SLC44A5: variants seen among roughly 807,000 people sequenced by gnomAD.
The protein encoded by SLC44A5 is solute carrier family 44 member 5.
A neutral mutation model predicts 101.8 loss-of-function variants in SLC44A5; 57 were observed. That is an observed-to-expected ratio of 0.56 (90% CI 0.45 to 0.70). The LOEUF (loss-of-function observed/expected upper bound fraction) is 0.70, where lower values mean the gene tolerates loss of function less well. SLC44A5 is among the 30% of genes least tolerant of loss of function. The probability of loss-of-function intolerance (pLI) is 0.00; values close to 1 mark genes in which losing one functional copy is unlikely to be tolerated. For synonymous variants in SLC44A5, 281 were observed against 290.9 expected (o/e 0.97, Z 0.35); for missense variants, 737 against 853.1 (o/e 0.86, Z 1.70).
intron 12 of SLC44A5, among the ~76,000 whole-genome samples, chr1:75,233,013 T>C (rs1647729419): frequency 6.6e-6 from 1 of 152,182 alleles, no homozygotes. Flanking sequence ...AATCATTCTT[T>C]TAAATAGAAA....
chr1:75,680,188 C>A, the SLC44A5 span, among the ~76,000 whole-genome samples: 1 of 152,050 alleles, frequency 6.6e-6, no homozygotes, highest in Admixed American at 6.6e-5. Context: ...CCACTGTCAA[C>A]ATTAGACAGA....
At position 75,483,390 on chromosome 1, in the gene SLC44A5, T is replaced by C. The variant is rs186523204; in HGVS notation, c.13+58045A>G. On this transcript the variant is annotated intron_variant, in intron 2 of 23. Coordinates refer to ENST00000370859, the MANE Select transcript of SLC44A5 (RefSeq NM_001130058.2). Reference sequence around the variant, plus strand: ...TTCCCTAAAGCCACAAATAGTCTCATAGAACATAGCATAATTTAGGTATTA... The same window carrying C: ...TTCCCTAAAGCCACAAATAGTCTCACAGAACATAGCATAATTTAGGTATTA... Among the ~76,000 whole-genome samples, 11 of 152,300 alleles carry C rather than the reference T, an allele frequency of 7.2e-5. No homozygotes were observed. In the East Asian group the frequency reaches 2.1e-3, roughly 29 times the overall value.
the SLC44A5 span, among the ~76,000 whole-genome samples, chr1:75,624,304 A>C: frequency 6.6e-6 from 1 of 152,220 alleles, no homozygotes; most frequent in Non-Finnish European, 1.5e-5. Context: ...TGTAGAAGAA[A>C]TGATAGAATT....
chr1:75,265,572 G>A (rs1341033124), intron 6 of SLC44A5, among the ~76,000 whole-genome samples: 1 of 152,174 alleles, frequency 6.6e-6, no homozygotes, highest in Admixed American at 6.5e-5. Context: ...GACTTGAAAT[G>A]TTCTTAACAC....
At chr1:75,555,773 C>T (rs2101993228) in intron 1 of SLC44A5, among the ~76,000 whole-genome samples, 1 of 152,182 alleles carries the variant, frequency 6.6e-6, no homozygotes, top group East Asian at 1.9e-4. Context: ...GGACAAAGTG[C>T]TGTGGAAGAC....
intron 4 of SLC44A5, among the ~76,000 whole-genome samples, chr1:75,305,418 G>A (rs553817102): frequency 1.3e-5 from 2 of 152,312 alleles, no homozygotes; most frequent in East Asian, 3.9e-4. Flanking sequence ...TTACTGATAT[G>A]TGATGAGTCA....
chr1:75,541,547 C>T (rs211744), intron 1 of SLC44A5, 31 bp from the exon 2 acceptor site: 310,350 of 1,487,816 alleles, frequency 0.21, 34,210 homozygotes, highest in Admixed American at 0.33. Flanking sequence ...AAGATAGTTA[C>T]CTAAAGCAAA....
chr1:75,615,959 TCG>T, upstream of SLC44A5: 1 of 861,840 alleles, frequency 1.2e-6, no homozygotes, highest in Non-Finnish European at 1.4e-6. Context: ...AGGCGAGCCC[TCG>T]CCGCGGCTCT....
chr1:75,581,297 A>T (rs1185319339), intron 1 of SLC44A5, among the ~76,000 whole-genome samples: 2 of 152,208 alleles, frequency 1.3e-5, no homozygotes, highest in South Asian at 2.1e-4. Flanking sequence ...ACCAAAGCTC[A>T]TTGTCTAAAA....
intron 3 of SLC44A5, among the ~76,000 whole-genome samples, chr1:75,365,885 T>C (rs1659825229): frequency 6.6e-6 from 1 of 152,198 alleles, no homozygotes. Context: ...TGATAGCAAC[T>C]TCAATTACAT....
chr1:75,324,342 C>T (rs1432093425), intron 4 of SLC44A5, among the ~76,000 whole-genome samples: 1 of 152,020 alleles, frequency 6.6e-6, no homozygotes, highest in Non-Finnish European at 1.5e-5. Context: ...ATAACAGGAA[C>T]AAATAAGAAA....
intron 2 of SLC44A5, among the ~76,000 whole-genome samples, chr1:75,490,055 A>T (rs1197584052): frequency 2.0e-5 from 3 of 151,960 alleles, no homozygotes; most frequent in African/African-American, 7.3e-5. Context: ...TTAAAAAAAA[A>T]TAAAGTTAAT....
intron 3 of SLC44A5, among the ~76,000 whole-genome samples, chr1:75,374,607 A>G (rs1192398800): frequency 6.6e-6 from 1 of 152,174 alleles, no homozygotes; most frequent in Non-Finnish European, 1.5e-5. Context: ...GAAACACACA[A>G]GAGGCATGTG....
At chr1:75,403,951 CA>C (rs1247730010) in intron 2 of SLC44A5, among the ~76,000 whole-genome samples, 1 of 151,722 alleles carries the variant, frequency 6.6e-6, no homozygotes, top group African/African-American at 2.4e-5. Flanking sequence ...AAGAACCTTG[CA>C]AAAAAGTTAG....
At chr1:75,226,643 T>C (rs12044451) in intron 13 of SLC44A5, among the ~76,000 whole-genome samples, 52,105 of 151,872 alleles carry the variant, frequency 0.34, 10,199 homozygotes, top group East Asian at 0.81. Flanking sequence ...TATTGCTCCC[T>C]TCTGAGGTTC....
chr1:75,423,528 G>A (rs1467589356), intron 2 of SLC44A5, among the ~76,000 whole-genome samples: 3 of 152,116 alleles, frequency 2.0e-5, no homozygotes, highest in African/African-American at 7.2e-5. Flanking sequence ...TATGATTTAA[G>A]GATTTTAAGA....
At chr1:75,474,475 CTT>C (rs1667278474) in intron 2 of SLC44A5, among the ~76,000 whole-genome samples, 1 of 152,140 alleles carries the variant, frequency 6.6e-6, no homozygotes. Flanking sequence ...TCTCCTCTGA[CTT>C]TAACATTTTC....
intron 3 of SLC44A5, among the ~76,000 whole-genome samples, chr1:75,394,425 G>C (rs1661995863): frequency 6.6e-6 from 1 of 152,112 alleles, no homozygotes; most frequent in Non-Finnish European, 1.5e-5. Flanking sequence ...AGGGTTAATT[G>C]ATCATTTTTT....
intron 3 of SLC44A5, among the ~76,000 whole-genome samples, chr1:75,367,904 G>A (rs1008886431): frequency 1.8e-4 from 28 of 152,190 alleles, no homozygotes; most frequent in Non-Finnish European, 7.3e-5. Flanking sequence ...TTGGAGTTGG[G>A]AGAATATGAA....
Sources: gnomAD v4.1 joint callset for allele counts (sites outside exome capture counted in the v4.1 genomes callset) on GRCh38, gnomAD v4.1.1 for gene constraint, MANE v1.5 for transcripts, NCBI Gene and HGNC (gene_info 2026-07-23, HGNC 2026-07-21) for gene names.